The following ENTPD4 variants were observed in gnomAD, a reference collection of about 807,000 sequenced individuals.
ENTPD4 encodes Golgi UDPase.
In ENTPD4, 60 loss-of-function variants were observed where a neutral mutation model predicts 79.1. That is an observed-to-expected ratio of 0.76 (90% CI 0.62 to 0.94). ENTPD4 has a LOEUF of 0.94. Ranked by LOEUF, ENTPD4 falls within the 40% of genes least tolerant of loss-of-function variation. The pLI, the probability that ENTPD4 is intolerant of heterozygous loss-of-function variation, is 0.00. For synonymous variants in ENTPD4, 276 were observed against 292.0 expected, an observed-to-expected ratio of 0.95 and a Z score of 0.56; for missense variants, 772 against 775.1, an observed-to-expected ratio of 1.00 and a Z score of 0.05.
chr8:23,440,597 T>C (rs921501019), intron 8 of ENTPD4, among the ~76,000 whole-genome samples: 2 of 152,172 alleles, frequency 1.3e-5, no homozygotes, highest in Non-Finnish European at 2.9e-5. Context: ...TCTAGAGGCA[T>C]GTCTGGAATG....
chr8:23,447,561 C>G, intron 4 of ENTPD4, 119 bp downstream of exon 4: 1 of 786,038 alleles, frequency 1.3e-6, no homozygotes, highest in Non-Finnish European at 2.2e-6. Context: ...GGAGACCCAT[C>G]AGGTCCTGGT....
chr8:23,447,587 G>A lies in ENTPD4; in HGVS notation c.412+93C>T, dbSNP rs1376207046. 14 of 1,009,584 alleles carry A rather than the reference G, an allele frequency of 1.4e-5. No individual in the cohort carries two copies. The East Asian group carries it at 3.1e-4, about 22-fold the overall frequency. The allele number at this position is 1,009,584 out of a possible 1,614,324, so 62.5% of individuals were successfully genotyped here. A position where few individuals can be genotyped will look rare whatever the true frequency, so the allele number is the denominator to read the frequency against. ...AGGTCCTGGTGTGAGGTTTGACTCA[G>A]GGCCATGGTGTAGAAAGGGAACGAT... On this transcript the variant is annotated intron_variant, in intron 4 of 12. Coordinates refer to ENST00000358689, the MANE Select transcript of ENTPD4 (RefSeq NM_004901.5).
chr8:23,448,947 TAGAA>T lies in ENTPD4; in HGVS notation c.9-12_9-9del, dbSNP rs1563227848. On this transcript the variant is annotated splice_polypyrimidine_tract_variant and intron_variant, in intron 2 of 12. Transcript: ENST00000358689. ...AGACAGGAGATGCCAATCCTGAAAT[TAGAA>T]GGAAAAAGATTTTAAAGCAATCTGC... The T allele has an allele frequency of 6.2e-7, 1 of 1,610,010 alleles. No individual in the cohort carries two copies.
chr8:23,432,938 C>G lies in ENTPD4; in HGVS notation c.1839G>C (p.Pro613=). 1.9e-6 allele frequency: 3 copies of G among 1,600,728 alleles called. No individual in the cohort carries two copies. The highest frequency in any genetic ancestry group is 2.6e-6 in the Non-Finnish European group (3 of 1,173,368). ...GCTGTGAGCTGGATCACAAGGTCCC[C>G]GGGGCATTCTGGGCGGGAAGGCCCT... ...MEEGLPAQNA[P]GTL is the part of the protein sequence containing the mutation. Residue 613 remains proline (P), a synonymous_variant, in exon 13 of 13, where the codon CCG becomes CCC. Coordinates refer to ENST00000358689, the MANE Select transcript of ENTPD4 (RefSeq NM_004901.5).
rs1800671100 is a variant in ENTPD4 at position 23,441,585 on chromosome 8, A to C, written c.866T>G (p.Phe289Cys). 2 of 1,614,086 alleles carry C rather than the reference A, an allele frequency of 1.2e-6. No individual in the cohort carries two copies. The highest frequency in any genetic ancestry group is 2.2e-5 in the East Asian group (1 of 44,868). Residue 289 changes from phenylalanine to cysteine, a missense_variant, in exon 8 of 13, where the codon TTT (phenylalanine) becomes TGT (cysteine). Transcript: ENST00000358689. ...GATAATGACCTGCTGTGAGGACGCA[A>C]AGCTTACAGTTTTGGGGACTTCGTA... The part of the protein sequence containing the change: ...IAYEVPKTVS[F>C]ASSQQEEVAK...
Position 23,430,951 on chromosome 8 carries a change from A to C in ENTPD4, c.*1975T>G, listed in dbSNP as rs1459755897. 1 of 985,252 alleles carries C rather than the reference A, an allele frequency of 1.0e-6. No individual in the cohort carries two copies. The highest frequency in any genetic ancestry group is 1.2e-6 in the Non-Finnish European group (1 of 829,924). 61.0% of individuals were successfully genotyped at this position (985,252 alleles called of 1,614,324 possible). ...TTAACAACTTTGACCACGAAGCGCA[A>C]ATACGATGCAGGTAAATCCAGAGGC... On this transcript the variant is annotated 3_prime_UTR_variant, in exon 13 of 13. Transcript: ENST00000358689.
intron 4 of ENTPD4, 49 bp from the exon 5 acceptor site, chr8:23,444,655 CATGTG>C: frequency 6.5e-7 from 1 of 1,545,470 alleles, no homozygotes; most frequent in South Asian, 1.1e-5. Flanking sequence ...TTAGCTATAA[CATGTG>C]ATGTTTCTTC....
Position 23,439,948 on chromosome 8 carries a change from T to G in ENTPD4, c.883-33A>C, listed in dbSNP as rs1248533583. The stretch of plus-strand genomic sequence containing the variant: ...CATAAGCATAACAAACCTTAATAGC[T>G]TAAGCTACTTTAGCCTCCTACTAAA... On this transcript the variant is annotated intron_variant, in intron 8 of 12. Coordinates refer to ENST00000358689, the MANE Select transcript of ENTPD4 (RefSeq NM_004901.5). 19 of 1,587,540 alleles carry G rather than the reference T, an allele frequency of 1.2e-5. No individual in the cohort carries two copies. In the East Asian group the frequency reaches 4.2e-4, roughly 36 times the overall value.
intron 1 of ENTPD4, among the ~76,000 whole-genome samples, chr8:23,455,164 A>T (rs1325438133): frequency 6.6e-6 from 1 of 152,200 alleles, no homozygotes; most frequent in Non-Finnish European, 1.5e-5. Flanking sequence ...AAACAATGCA[A>T]ATCAACCACA....
chr8:23,457,350 G>A (rs1192052375), intron 1 of ENTPD4, among the ~76,000 whole-genome samples: 2 of 148,304 alleles, frequency 1.3e-5, no homozygotes, highest in East Asian at 4.0e-4. Flanking sequence ...GGCTCACAGG[G>A]GTTGGTCCCG....
Position 23,445,937 on chromosome 8 carries a change from C to T in ENTPD4, c.413-1331G>A, listed in dbSNP as rs139617790. On this transcript the variant is annotated intron_variant, in intron 4 of 12. Transcript: ENST00000358689. ...AAGTCTAAAAATACCTTATTTCACA[C>T]ATTAGAAAATTACAAACCCAAAAAG... Among the ~76,000 whole-genome samples the T allele has an allele frequency of 9.8e-5, 15 of 152,290 alleles. No homozygotes were observed. In the East Asian group the frequency reaches 1.9e-3, roughly 20 times the overall value.
At position 23,429,391 on chromosome 8, in the gene ENTPD4, T is replaced by C; in HGVS notation, c.*3535A>G. ...TACAGAACAAACAAATTCTCCTTGG[T>C]TGGTCACATCATTCATTATTGAAAG... is the stretch of plus-strand genomic sequence containing the variant. On this transcript the variant is annotated 3_prime_UTR_variant, in exon 13 of 13. Coordinates refer to ENST00000358689, the MANE Select transcript of ENTPD4 (RefSeq NM_004901.5). 1 of 985,244 alleles carries C rather than the reference T, an allele frequency of 1.0e-6. No homozygotes were observed. Among genetic ancestry groups the C allele is most frequent in the South Asian group, 4.7e-5 (1 of 21,292 alleles). 61.0% of individuals were successfully genotyped at this position (985,244 alleles called of 1,614,324 possible). A position where few individuals can be genotyped will look rare whatever the true frequency, so the allele number is the denominator to read the frequency against.
At position 23,435,513 on chromosome 8, in the gene ENTPD4, A is replaced by C. The variant is rs545025782; in HGVS notation, c.1375-36T>G. ...ATTCACCAAAATAGATCACTAGTAA[A>C]GGCTTATTAAAATTCTCACTTTAAA... On this transcript the variant is annotated intron_variant, in intron 10 of 12. Transcript: ENST00000358689. The C allele has an allele frequency of 7.9e-5, 116 of 1,473,582 alleles. No individual in the cohort carries two copies. In the South Asian group the frequency reaches 1.3e-3, roughly 17 times the overall value. The allele number at this position is 1,473,582 out of a possible 1,614,324, so 91.3% of individuals were successfully genotyped here. A position where few individuals can be genotyped will look rare whatever the true frequency, so the allele number is the denominator to read the frequency against.
chr8:23,445,505 C>A (rs1800749564), intron 4 of ENTPD4, among the ~76,000 whole-genome samples: 1 of 152,210 alleles, frequency 6.6e-6, no homozygotes, highest in African/African-American at 2.4e-5. Flanking sequence ...ATGCACCTTA[C>A]TGTGGCCTTA....
Position 23,437,032 on chromosome 8 carries a change from T to C in ENTPD4, c.1276A>G (p.Ser426Gly), listed in dbSNP as rs753863778. Residue 426 changes from serine (S) to glycine (G), a missense_variant, in exon 10 of 13, where the codon AGT becomes GGT. Ser to Gly is a moderately conservative substitution (Grantham distance 56). Coordinates refer to ENST00000358689, the MANE Select transcript of ENTPD4 (RefSeq NM_004901.5). ...AATTCGGAGAAGCCATAGAATTCAC[T>C]GTTCTGGAAGTGAATTGGGGGCTGG... Reference protein sequence around the residue: ...VYQPPIHFQNSEFYGFSEFYY... With the variant: ...VYQPPIHFQNGEFYGFSEFYY... The C allele has an allele frequency of 3.1e-6, 5 of 1,614,190 alleles. No individual in the cohort carries two copies. In the East Asian group the frequency reaches 1.1e-4, roughly 36 times the overall value.
rs766451672 is a variant in ENTPD4 at position 23,449,946 on chromosome 8, T to C, written c.-46A>G. ...GCAATGCTCTGGGATTCAGTCCTTC[T>C]CACAAACAATTATAGAAATAATGCT... On this transcript the variant is annotated 5_prime_UTR_variant, in exon 2 of 13. Coordinates refer to ENST00000358689, the MANE Select transcript of ENTPD4 (RefSeq NM_004901.5). 3.7e-6 allele frequency: 6 copies of C among 1,613,786 alleles called. No homozygotes were observed. The highest frequency in any genetic ancestry group is 4.5e-5 in the East Asian group (2 of 44,872).
chr8:23,439,938 C>T, intron 8 of ENTPD4, 23 bp from the exon 9 acceptor site: 1 of 1,606,750 alleles, frequency 6.2e-7, no homozygotes, highest in Non-Finnish European at 8.5e-7. Flanking sequence ...GCATAACAAA[C>T]CTTAATAGCT....
At chr8:23,456,359 T>C (rs113641467) in intron 1 of ENTPD4, among the ~76,000 whole-genome samples, 138 of 152,364 alleles carry the variant, frequency 9.1e-4, no homozygotes, top group African/African-American at 3.2e-3. Flanking sequence ...GTCAACATGT[T>C]TCTTTGTCAA....
Position 23,439,824 on chromosome 8 carries a change from A to G in ENTPD4, c.974T>C (p.Phe325Ser), listed in dbSNP as rs1299396019. The change falls in exon 9 of 13, where the codon TTT becomes TCT. Residue 325 changes from phenylalanine (F) to serine (S), a missense_variant. By Grantham distance (155) the Phe-to-Ser change is radical. Coordinates refer to ENST00000358689, the MANE Select transcript of ENTPD4 (RefSeq NM_004901.5). ...EHVYRVYVATFLGFGGNAARQ... is the reference protein window; with the variant it reads ...EHVYRVYVATSLGFGGNAARQ... ...AGCAGCATTGCCACCAAACCCAAGAAACGTGGCCACATAGACTCGATACAC... is the reference window on the plus strand; with the variant it reads ...AGCAGCATTGCCACCAAACCCAAGAGACGTGGCCACATAGACTCGATACAC... The G allele has an allele frequency of 6.2e-7, 1 of 1,614,128 alleles. No homozygotes were observed. The highest frequency in any genetic ancestry group is 8.5e-7 in the Non-Finnish European group (1 of 1,179,974).
Sources: gnomAD v4.1 joint callset for allele counts (sites outside exome capture counted in the v4.1 genomes callset) on GRCh38, gnomAD v4.1.1 for gene constraint, MANE v1.5 for transcripts, NCBI Gene and HGNC (gene_info 2026-07-23, HGNC 2026-07-21) for gene names.